ANO3: variants seen among roughly 807,000 people sequenced by gnomAD.
ANO3 encodes the protein anoctamin-3.
A neutral mutation model predicts 144.8 loss-of-function variants in ANO3; 99 were observed. The observed-to-expected ratio is 0.68, with a 90% confidence interval of 0.58 to 0.81. The LOEUF is 0.81. Among genes scored for constraint, ANO3 ranks in the 30% least tolerant of loss-of-function variants. ANO3 has a pLI of 0.00. For missense variants in ANO3, 905 were observed against 1,202.2 expected (o/e 0.75, Z 3.66); for synonymous variants, 414 against 392.6 (o/e 1.05, Z -0.64).
chr11:26,265,240 G>T (rs1853284035), intron 1 of ANO3, among the ~76,000 whole-genome samples: 1 of 152,070 alleles, frequency 6.6e-6, no homozygotes, highest in Non-Finnish European at 1.5e-5. Flanking sequence ...CACTTTCACT[G>T]ATTTGAATTC....
rs983762572 is a variant in ANO3 at position 26,662,355 on chromosome 11, C to T, written c.*1911C>T. On this transcript the variant is annotated 3_prime_UTR_variant, in exon 27 of 27. Coordinates refer to ENST00000256737, the MANE Select transcript of ANO3 (RefSeq NM_031418.4). ...TTGTAGCAATCGTAGCAACTAATTC[C>T]ACTAAGTACAAGGGAGTTTTTTACA... 1 of 151,828 alleles carries T rather than the reference C, an allele frequency of 6.6e-6. No individual in the cohort carries two copies. The highest frequency in any genetic ancestry group is 2.1e-4 in the South Asian group (1 of 4,824). The allele number at this position is 151,828 out of a possible 1,614,324, so 9.4% of individuals were successfully genotyped here.
intron 1 of ANO3, among the ~76,000 whole-genome samples, chr11:26,228,829 C>T (rs1281782154): frequency 6.6e-6 from 1 of 152,204 alleles, no homozygotes; most frequent in Non-Finnish European, 1.5e-5. Context: ...TGAAGACCCA[C>T]TGCCAATAGA....
At chr11:26,409,131 A>G (rs1857369542) in intron 1 of ANO3, among the ~76,000 whole-genome samples, 1 of 149,058 alleles carries the variant, frequency 6.7e-6, no homozygotes, top group Non-Finnish European at 1.5e-5. Flanking sequence ...GTACAATAAA[A>G]AAAAAAAAAG....
At chr11:26,275,224 T>C (rs1255790808) in intron 1 of ANO3, among the ~76,000 whole-genome samples, 2 of 152,130 alleles carry the variant, frequency 1.3e-5, no homozygotes, top group Admixed American at 6.6e-5. Context: ...TTTAGATTCA[T>C]GCTGCTAAAA....
At chr11:26,270,358 A>G (rs1018281873) in intron 1 of ANO3, among the ~76,000 whole-genome samples, 1 of 152,156 alleles carries the variant, frequency 6.6e-6, no homozygotes. Flanking sequence ...ACTCTATTGA[A>G]AAAATCTAAC....
At chr11:26,288,386 ATTTTC>A (rs1390635464) in intron 1 of ANO3, among the ~76,000 whole-genome samples, 1 of 152,150 alleles carries the variant, frequency 6.6e-6, no homozygotes, top group East Asian at 1.9e-4. Context: ...TAACAGTGGG[ATTTTC>A]CTTGTTGTTG....
chr11:26,417,995 T>A (rs868750815), intron 1 of ANO3, among the ~76,000 whole-genome samples: 2 of 152,130 alleles, frequency 1.3e-5, no homozygotes, highest in South Asian at 4.1e-4. Context: ...ATCAATAGTA[T>A]GTTCTGTTTT....
In ANO3 at chr11:26,267,205, C is replaced by G. The variant is rs188220167; in HGVS notation, c.155-42440C>G. ...GCACGCACACACACACACACACACC[C>G]CCAAAATGTCCTCAATGGTTGAAAC... On this transcript the variant is annotated intron_variant, in intron 1 of 27. Transcript: ENST00000672621. Among the ~76,000 whole-genome samples the G allele has an allele frequency of 1.5e-3, 233 of 152,114 alleles. 2 individuals are homozygous for G. Among genetic ancestry groups the G allele is most frequent in the Admixed American group, 0.015 (228 of 15,274 alleles).
chr11:26,322,890 T>G (rs892820385), intron 1 of ANO3, among the ~76,000 whole-genome samples: 1 of 152,262 alleles, frequency 6.6e-6, no homozygotes, highest in South Asian at 2.1e-4. Context: ...TTATTTGGAA[T>G]TGTTCTGCAT....
At chr11:26,654,783 T>C (rs1853634121) in intron 24 of ANO3, among the ~76,000 whole-genome samples, 1 of 152,170 alleles carries the variant, frequency 6.6e-6, no homozygotes, top group Non-Finnish European at 1.5e-5. Context: ...ATTTTTGGTT[T>C]GTTGAATAGA....
At chr11:26,583,071 A>C (rs1851177126) in intron 14 of ANO3, among the ~76,000 whole-genome samples, 1 of 152,206 alleles carries the variant, frequency 6.6e-6, no homozygotes, top group African/African-American at 2.4e-5. Flanking sequence ...ATGCTACTGA[A>C]ATGTCTATTT....
chr11:26,261,118 C>T (rs571239242), intron 1 of ANO3, among the ~76,000 whole-genome samples: 75 of 152,114 alleles, frequency 4.9e-4, no homozygotes, highest in Non-Finnish European at 1.0e-3. Context: ...CTTTTCAGTT[C>T]TTCTAAGGGG....
At chr11:26,307,891 T>C (rs991330158), upstream of ANO3, among the ~76,000 whole-genome samples, 1 of 152,078 alleles carries the variant, frequency 6.6e-6, no homozygotes, top group Non-Finnish European at 1.5e-5. Context: ...CAGGCTTCTC[T>C]AACCCCATTT....
chr11:26,496,103 C>T (rs12292046), intron 4 of ANO3, among the ~76,000 whole-genome samples: 8,845 of 152,126 alleles, frequency 0.058, 512 homozygotes, highest in African/African-American at 0.15. Context: ...GATTTTTTTT[C>T]CCATTCTGTT....
At chr11:26,274,435 A>G (rs1347337049) in intron 1 of ANO3, among the ~76,000 whole-genome samples, 10 of 152,126 alleles carry the variant, frequency 6.6e-5, no homozygotes, top group African/African-American at 2.4e-4. Context: ...AAATAATTCT[A>G]GAATACAGCA....
intron 1 of ANO3, among the ~76,000 whole-genome samples, chr11:26,214,792 G>C (rs1247233076): frequency 6.6e-6 from 1 of 151,628 alleles, no homozygotes; most frequent in Non-Finnish European, 1.5e-5. Flanking sequence ...GATTTCTTTA[G>C]TTATTTTGCT....
At position 26,256,807 on chromosome 11, in the gene ANO3, T is replaced by C. The variant is rs553968161; in HGVS notation, c.155-52838T>C. Among the ~76,000 whole-genome samples the C allele has an allele frequency of 3.3e-5, 5 of 152,254 alleles. No homozygotes were observed. The East Asian group carries it at 9.6e-4, about 29-fold the overall frequency. ...TAAAATAGGTGTGTCTTTTTTTTTA[T>C]TCCACATTATTTAAATAAATGGTTC... On this transcript the variant is annotated intron_variant, in intron 1 of 27. Coordinates refer to the ANO3 transcript ENST00000672621.
Position 26,572,121 on chromosome 11 carries a change from A to G in ANO3, c.1447+12342A>G, listed in dbSNP as rs909041400. 4 of 985,278 alleles carry G rather than the reference A, an allele frequency of 4.1e-6. No homozygotes were observed. The African/African-American group carries it at 7.0e-5, about 17-fold the overall frequency. The allele number at this position is 985,278 out of a possible 1,614,324, so 61.0% of individuals were successfully genotyped here. A position where few individuals can be genotyped will look rare whatever the true frequency, so the allele number is the denominator to read the frequency against. Reference sequence around the variant, plus strand: ...CTGAAAGGAATCTGTCGTGCATTAGAGAAAACAGATGGGTTAAGTGTGACA... The same window carrying G: ...CTGAAAGGAATCTGTCGTGCATTAGGGAAAACAGATGGGTTAAGTGTGACA... On this transcript the variant is annotated intron_variant, in intron 14 of 26. Coordinates refer to ENST00000256737, the MANE Select transcript of ANO3 (RefSeq NM_031418.4).
rs548096716 is a variant in ANO3, at chr11:26,555,563, C to T, written c.1386+2218C>T. On this transcript the variant is annotated intron_variant, in intron 13 of 26. Coordinates refer to ENST00000256737, the MANE Select transcript of ANO3 (RefSeq NM_031418.4). ...ACAGGGATGACTCACAAAGAATTCA[C>T]TTAATAACATGTATAAGGAAGGTGG... Among the ~76,000 whole-genome samples, 9 of 152,208 alleles carry T rather than the reference C, an allele frequency of 5.9e-5. No homozygotes were observed. In the South Asian group the frequency reaches 1.9e-3, roughly 32 times the overall value.
Sources: gnomAD v4.1 joint callset for allele counts (sites outside exome capture counted in the v4.1 genomes callset) on GRCh38, gnomAD v4.1.1 for gene constraint, MANE v1.5 for transcripts, NCBI Gene and HGNC (gene_info 2026-07-23, HGNC 2026-07-21) for gene names.